ZNF318: variants seen among roughly 807,000 people sequenced by gnomAD.
The protein encoded by ZNF318 is zinc finger protein 318.
ZNF318 carries 51 observed loss-of-function variants against 124.2 expected under a neutral mutation model. That is an observed-to-expected ratio of 0.41 (90% CI 0.33 to 0.52). The LOEUF (loss-of-function observed/expected upper bound fraction) is 0.52, where lower values mean the gene tolerates loss of function less well. Among genes scored for constraint, ZNF318 ranks in the 20% least tolerant of loss-of-function variants. The probability of loss-of-function intolerance (pLI) is 0.23; values close to 1 mark genes in which losing one functional copy is unlikely to be tolerated. For missense variants in ZNF318, 2,815 were observed against 2,811.2 expected (o/e 1.00, Z -0.03); for synonymous variants, 1,090 against 1,040.7 (o/e 1.05, Z -0.91).
chr6:43,366,787 CA>C (rs1179659212), intron 1 of ZNF318, among the ~76,000 whole-genome samples: 4 of 152,114 alleles, frequency 2.6e-5, no homozygotes, highest in African/African-American at 9.7e-5. Flanking sequence ...GCCCGGGTGA[CA>C]GAGCAACACT....
intron 1 of ZNF318, among the ~76,000 whole-genome samples, 195 bp from the exon 2 acceptor site, chr6:43,365,635 A>T (rs1272929991): frequency 6.6e-6 from 1 of 151,966 alleles, no homozygotes; most frequent in Non-Finnish European, 1.5e-5. Flanking sequence ...CCATCTCTAT[A>T]AAAAAAAGTT....
chr6:43,353,926 C>A (rs536932467), intron 4 of ZNF318, among the ~76,000 whole-genome samples: 1 of 152,072 alleles, frequency 6.6e-6, no homozygotes, highest in Admixed American at 6.6e-5. Context: ...ACCCAATGAA[C>A]CTGGATAATA....
chr6:43,348,980 G>C (rs564246024), intron 5 of ZNF318, among the ~76,000 whole-genome samples: 4 of 152,326 alleles, frequency 2.6e-5, no homozygotes, highest in African/African-American at 7.2e-5. Flanking sequence ...CTTGCAGTGA[G>C]CCAAGATCAT....
Position 43,340,298 on chromosome 6 carries a change from C to T in ZNF318, c.3700G>A (p.Glu1234Lys). Reference sequence around the variant, plus strand: ...TTCCTACCCTCAGAGAGTTGGTCTTCTAATTTCTCAGAGACCTTGTCATCC... The same window carrying T: ...TTCCTACCCTCAGAGAGTTGGTCTTTTAATTTCTCAGAGACCTTGTCATCC... ...KEDDKVSEKLEDQLSEGRNSP... is the reference protein window; with the variant it reads ...KEDDKVSEKLKDQLSEGRNSP... The change falls in exon 10 of 10, where the codon GAA (glutamate) becomes AAA (lysine). Residue 1234 changes from glutamate to lysine, a missense_variant. Physicochemically the swap from Glu to Lys is moderately conservative, Grantham distance 56. Coordinates refer to ENST00000361428, the MANE Select transcript of ZNF318 (RefSeq NM_014345.3). The T allele has an allele frequency of 6.2e-7, 1 of 1,613,952 alleles. No homozygotes were observed. The highest frequency in any genetic ancestry group is 1.1e-5 in the South Asian group (1 of 91,062).
chr6:43,355,623 G>A lies in ZNF318; in HGVS notation c.1711C>T (p.Pro571Ser). The change falls in exon 4 of 10, where the codon CCG (proline) becomes TCG (serine). Residue 571 changes from proline to serine, a missense_variant. Physicochemically the swap from Pro to Ser is moderately conservative, Grantham distance 74 (BLOSUM62 -1). Transcript: ENST00000361428. ...EVMRQKASSL[P>S]SSAPAVKLES... ...AGCTTTACAGCTGGAGCTGAAGACG[G>A]CAGGGAGCTTGCCTTCTGCCTCATA... 6.2e-7 allele frequency: 1 copy of A among 1,614,196 alleles called. No individual in the cohort carries two copies. The highest frequency in any genetic ancestry group is 1.3e-5 in the African/African-American group (1 of 75,044).
At chr6:43,361,064 G>A (rs548422744) in intron 2 of ZNF318, among the ~76,000 whole-genome samples, 8 of 152,132 alleles carry the variant, frequency 5.3e-5, no homozygotes, top group Non-Finnish European at 8.8e-5. Context: ...CTTCAAATGG[G>A]TGAATTATAT....
chr6:43,365,660 T>A (rs1377028815), intron 1 of ZNF318, among the ~76,000 whole-genome samples: 1 of 152,004 alleles, frequency 6.6e-6, no homozygotes, highest in Admixed American at 6.6e-5. Context: ...ATTAGCCAGG[T>A]GTGGTCCCAA....
At chr6:43,364,483 C>G (rs549141349) in intron 2 of ZNF318, among the ~76,000 whole-genome samples, 1 of 152,162 alleles carries the variant, frequency 6.6e-6, no homozygotes, top group Non-Finnish European at 1.5e-5. Context: ...ACACGGCAAG[C>G]GACAGTCTCA....
At chr6:43,350,891 T>C (rs1393670037) in intron 5 of ZNF318, among the ~76,000 whole-genome samples, 3 of 152,188 alleles carry the variant, frequency 2.0e-5, no homozygotes, top group East Asian at 3.8e-4. Flanking sequence ...AACCAGTGGG[T>C]GAAAGTCTGA....
chr6:43,342,335 C>A (rs1165786289), intron 7 of ZNF318, 124 bp from the exon 8 acceptor site: 2 of 677,518 alleles, frequency 3.0e-6, no homozygotes, highest in Non-Finnish European at 2.4e-6. Flanking sequence ...ACCCCCACCC[C>A]CTCTGCCAAC....
intron 2 of ZNF318, among the ~76,000 whole-genome samples, chr6:43,364,937 T>A (rs896958667): frequency 2.6e-5 from 4 of 152,216 alleles, no homozygotes; most frequent in Non-Finnish European, 4.4e-5. Context: ...TGTCCAGAAC[T>A]TTTCTTTGGA....
intron 2 of ZNF318, 51 bp from the exon 3 acceptor site, chr6:43,357,816 A>G (rs1215442115): frequency 6.6e-7 from 1 of 1,510,458 alleles, no homozygotes; most frequent in Non-Finnish European, 8.8e-7. Flanking sequence ...AAAGAATAAG[A>G]GCAGACAAGG....
At position 43,353,657 on chromosome 6, in the gene ZNF318, AG is replaced by A. The variant is rs1239141671; in HGVS notation, c.2670+1006del. Among the ~76,000 whole-genome samples, 26 of 152,216 alleles carry A rather than the reference AG, an allele frequency of 1.7e-4. 1 individual carries two copies. The highest frequency in any genetic ancestry group is 1.7e-3 in the Admixed American group (26 of 15,280). On this transcript the variant is annotated intron_variant, in intron 4 of 9. Transcript: ENST00000361428. ...CCAAAGTGCTGGGATTACAGGCATG[AG>A]CCACCACGCCCAGCCAGGTCTTAAC...
intron 7 of ZNF318, 92 bp from the exon 8 acceptor site, chr6:43,342,303 G>A: frequency 2.0e-6 from 2 of 1,017,238 alleles, no homozygotes; most frequent in Non-Finnish European, 2.8e-6. Flanking sequence ...AAGACCAGGG[G>A]ACCAGAAGCC....
At position 43,337,778 on chromosome 6, in the gene ZNF318, C is replaced by A; in HGVS notation, c.6220G>T (p.Asp2074Tyr). ...TCAAGCACCAAGGTTTTGGGAGAAT[C>A]TAACGGAAACCCAGAAAAAGATGGG... ...PIPSFSGFPL[D>Y]SPKTLVLDFE... Residue 2074 changes from aspartate to tyrosine, a missense_variant, in exon 10 of 10, where the codon GAT becomes TAT. By Grantham distance (160) the Asp-to-Tyr change is radical. Coordinates refer to ENST00000361428, the MANE Select transcript of ZNF318 (RefSeq NM_014345.3). The A allele has an allele frequency of 6.2e-7, 1 of 1,614,186 alleles. No homozygotes were observed. The highest frequency in any genetic ancestry group is 8.5e-7 in the Non-Finnish European group (1 of 1,180,028).
intron 6 of ZNF318, among the ~76,000 whole-genome samples, chr6:43,346,919 A>G (rs1377369635): frequency 6.6e-6 from 1 of 152,248 alleles, no homozygotes; most frequent in Non-Finnish European, 1.5e-5. Context: ...GAACAATGAC[A>G]CATATAAAGT....
Position 43,365,414 on chromosome 6 carries a change from G to C in ZNF318, c.426C>G (p.Asp142Glu). ...TGATCCTTAAGCTCTTTTCCAAAGAGTCAGAACACAGACCAGGAGAGCGTC... is the reference window on the plus strand; with the variant it reads ...TGATCCTTAAGCTCTTTTCCAAAGACTCAGAACACAGACCAGGAGAGCGTC... ...SRRRSPGLCS[D>E]SLEKSLRITV... The change falls in exon 2 of 10, where the codon GAC becomes GAG. Residue 142 changes from aspartate (D) to glutamate (E), a missense_variant. Coordinates refer to ENST00000361428, the MANE Select transcript of ZNF318 (RefSeq NM_014345.3). 6.2e-7 allele frequency: 1 copy of C among 1,614,020 alleles called. No individual in the cohort carries two copies. The highest frequency in any genetic ancestry group is 8.5e-7 in the Non-Finnish European group (1 of 1,179,986).
intron 6 of ZNF318, among the ~76,000 whole-genome samples, chr6:43,347,938 G>C (rs1046675930): frequency 6.6e-6 from 1 of 152,188 alleles, no homozygotes; most frequent in African/African-American, 2.4e-5. Flanking sequence ...GGCCTCAAAT[G>C]CTGCTCATTT....
chr6:43,354,347 C>T (rs1779573946), intron 4 of ZNF318, among the ~76,000 whole-genome samples: 1 of 152,174 alleles, frequency 6.6e-6, no homozygotes, highest in South Asian at 2.1e-4. Context: ...CCCTACTCCA[C>T]TACGAAATCA....
Sources: allele counts gnomAD v4.1 joint callset (sites outside exome capture counted in the v4.1 genomes callset), GRCh38; gene constraint gnomAD v4.1.1; transcripts MANE v1.5; gene names NCBI Gene and HGNC (gene_info 2026-07-23, HGNC 2026-07-21).